The following GOLGA3 variants were observed in gnomAD, a reference collection of about 807,000 sequenced individuals.
The protein encoded by GOLGA3 is golgin A3, also known as golgin subfamily A member 3.
Under a neutral mutation model 169.4 loss-of-function variants are expected in GOLGA3, and 75 were observed. The ratio of observed to expected loss-of-function variants is 0.44; its 90% CI spans 0.37 to 0.54. The LOEUF is 0.54. Ranked by LOEUF, GOLGA3 falls within the 20% of genes least tolerant of loss-of-function variation. The pLI is 0.00. For missense variants in GOLGA3, 1,899 were observed against 1,930.0 expected (o/e 0.98, Z 0.30); for synonymous variants, 824 against 822.4 (o/e 1.00, Z -0.03).
rs544931060 is a variant in GOLGA3 at position 132,802,471 on chromosome 12, A to T, written c.1598-502T>A. ...GCGAGATCCCCCACCACCAAAAAAAAAAAATTAGCCAGGCGGGGTGGCATG... is the reference window on the plus strand; with the variant it reads ...GCGAGATCCCCCACCACCAAAAAAATAAAATTAGCCAGGCGGGGTGGCATG... On this transcript the variant is annotated intron_variant, in intron 7 of 23. Coordinates refer to ENST00000450791, the MANE Select transcript of GOLGA3 (RefSeq NM_001389683.1). Among the ~76,000 whole-genome samples, 663 of 152,236 alleles carry T rather than the reference A, an allele frequency of 4.4e-3. 5 individuals are homozygous for T. The highest frequency in any genetic ancestry group is 0.015 in the African/African-American group (608 of 41,522).
rs1264445625 is a variant in GOLGA3 at position 132,786,380 on chromosome 12, G to A, written c.3082C>T (p.Arg1028Ter). The change falls in exon 15 of 24, where the codon CGA (arginine) becomes TGA (stop). Residue 1028 changes from arginine to a stop codon, truncating the protein, a stop_gained. Transcript: ENST00000450791. LOFTEE classifies it high-confidence loss of function. ...EAADAELGQL[R>*]AQGGSSDSSL... ...CTGTCACTGCTGCCACCCTGGGCTC[G>A]GAGCTGGCCCAGCTCCGCGTCCGCA... 6.2e-7 allele frequency: 1 copy of A among 1,609,734 alleles called. No homozygotes were observed. Among genetic ancestry groups the A allele is most frequent in the Admixed American group, 1.7e-5 (1 of 59,642 alleles).
chr12:132,799,644 G>A (rs979851559), intron 8 of GOLGA3, among the ~76,000 whole-genome samples: 4 of 151,968 alleles, frequency 2.6e-5, no homozygotes, highest in South Asian at 2.1e-4. Flanking sequence ...CCCTGTCTCC[G>A]AAAAAACAGC....
intron 2 of GOLGA3, 103 bp from the exon 3 acceptor site, chr12:132,816,915 G>C: frequency 6.7e-6 from 7 of 1,045,284 alleles, no homozygotes; most frequent in Non-Finnish European, 9.5e-6. Flanking sequence ...CCAGACTCAT[G>C]AGCACGGCAC....
At chr12:132,773,963 T>G (rs1394825526) in intron 23 of GOLGA3, among the ~76,000 whole-genome samples, 194 bp downstream of exon 23, 2 of 148,186 alleles carry the variant, frequency 1.3e-5, no homozygotes, top group Non-Finnish European at 3.0e-5. Context: ...CCCCTTTATA[T>G]AAACCTCAAA....
chr12:132,815,289 G>C (rs1949905881), intron 3 of GOLGA3, among the ~76,000 whole-genome samples: 1 of 152,186 alleles, frequency 6.6e-6, no homozygotes, highest in Non-Finnish European at 1.5e-5. Flanking sequence ...CACTGACGCA[G>C]GAGATAGGCT....
At chr12:132,809,788 A>G (rs888369848) in intron 4 of GOLGA3, among the ~76,000 whole-genome samples, 4 of 152,196 alleles carry the variant, frequency 2.6e-5, no homozygotes, top group East Asian at 3.8e-4. Flanking sequence ...TCTAAGATCT[A>G]TATCTGGTGT....
chr12:132,791,622 G>A (rs1593281980), intron 11 of GOLGA3, among the ~76,000 whole-genome samples: 1 of 147,956 alleles, frequency 6.8e-6, no homozygotes, highest in East Asian at 2.0e-4. Flanking sequence ...GAGGACTATA[G>A]GAGGGGAATG....
intron 3 of GOLGA3, 130 bp downstream of exon 3, chr12:132,816,410 G>A: frequency 2.3e-6 from 2 of 857,340 alleles, no homozygotes; most frequent in East Asian, 2.5e-5. Context: ...AGCCCCACGT[G>A]GGACTCAGAT....
rs1178988870 is a variant in GOLGA3 at position 132,777,020 on chromosome 12, G to A, written c.3793C>T (p.Leu1265Phe). ...TCCAGCTGCTTCTGCAGGAGCTGGA[G>A]CTGTGCCCGGGCCTCGGCCAGCTCT... Reference protein sequence around the residue: ...QAELAEARAQLQLLQKQLDEQ... With the variant: ...QAELAEARAQFQLLQKQLDEQ... The change falls in exon 20 of 24, where the codon CTC becomes TTC. Residue 1265 changes from leucine to phenylalanine, a missense_variant. Transcript: ENST00000450791. The surrounding 1 kb of genome is among the most constrained non-coding windows in gnomAD (Gnocchi z 4.7). The A allele has an allele frequency of 6.2e-7, 1 of 1,611,910 alleles. No individual in the cohort carries two copies. The highest frequency in any genetic ancestry group is 8.5e-7 in the Non-Finnish European group (1 of 1,179,066).
At position 132,816,663 on chromosome 12, in the gene GOLGA3, G is replaced by T; in HGVS notation, c.283C>A (p.Pro95Thr). ...TTGTCATGGAAACCAGCCACACCTG[G>T]AGAGGCATCAGGGCCCACTGGGCTT... is the stretch of plus-strand genomic sequence containing the variant. ...TTSPVGPDAS[P>T]GVAGFHDNLR... Residue 95 changes from proline (P) to threonine (T), a missense_variant, in exon 3 of 24, where the codon CCA (proline) becomes ACA (threonine). By Grantham distance (38) the Pro-to-Thr change is conservative. Coordinates refer to ENST00000450791, the MANE Select transcript of GOLGA3 (RefSeq NM_001389683.1). 1 of 1,614,194 alleles carries T rather than the reference G, an allele frequency of 6.2e-7. No homozygotes were observed. Among genetic ancestry groups the T allele is most frequent in the Non-Finnish European group, 8.5e-7 (1 of 1,180,024 alleles).
intron 2 of GOLGA3, among the ~76,000 whole-genome samples, chr12:132,817,044 G>T (rs1949988128): frequency 6.6e-6 from 1 of 152,070 alleles, no homozygotes; most frequent in Non-Finnish European, 1.5e-5. Flanking sequence ...CCTGTAAGGT[G>T]AACCTGCCCT....
Position 132,774,148 on chromosome 12 carries a change from C to A in GOLGA3, c.4307+9G>T. The A allele has an allele frequency of 1.3e-6, 2 of 1,579,804 alleles. No individual in the cohort carries two copies. Among genetic ancestry groups the A allele is most frequent in the South Asian group, 1.1e-5 (1 of 87,012 alleles). ...ACTAGCTGAAGTGCAGCACGGAATA[C>A]GGTCGTACTTGAGCTGCTGGAGGCA... On this transcript the variant is annotated intron_variant, in intron 23 of 23. Coordinates refer to ENST00000450791, the MANE Select transcript of GOLGA3 (RefSeq NM_001389683.1).
chr12:132,775,089 G>A (rs747507572), intron 22 of GOLGA3, 52 bp downstream of exon 22: 26 of 1,531,752 alleles, frequency 1.7e-5, no homozygotes, highest in Middle Eastern at 2.1e-4. Flanking sequence ...TCCTGTCCGA[G>A]AGCATCTACA....
intron 1 of GOLGA3, chr12:132,827,564 T>C (rs1057416583): frequency 2.6e-5 from 4 of 152,234 alleles, no homozygotes; most frequent in Non-Finnish European, 5.9e-5. Context: ...CCTTTAGTTG[T>C]TGCTTGTCAA....
At position 132,825,958 on chromosome 12, in the gene GOLGA3, T is replaced by C. The variant is rs749307298; in HGVS notation, c.-184+2845A>G. The C allele has an allele frequency of 7.1e-5, 68 of 963,722 alleles. 1 individual carries two copies. Among genetic ancestry groups the C allele is most frequent in the African/African-American group, 1.1e-4 (7 of 62,242 alleles). The allele number at this position is 963,722 out of a possible 1,614,324, so 59.7% of individuals were successfully genotyped here. On this transcript the variant is annotated intron_variant, in intron 1 of 23. Coordinates refer to ENST00000450791, the MANE Select transcript of GOLGA3 (RefSeq NM_001389683.1). ...CCAAGATGAAGACGCAGAGGACCAC[T>C]GTCATCCGCCGAGACTACCTGCACT... is the stretch of plus-strand genomic sequence containing the variant.
intron 6 of GOLGA3, 64 bp downstream of exon 6, chr12:132,807,113 C>A (rs981315201): frequency 1.7e-5 from 16 of 952,502 alleles, no homozygotes; most frequent in Non-Finnish European, 2.3e-5. Flanking sequence ...TCGTACCCAA[C>A]AGAGGAGCCA....
intron 12 of GOLGA3, 38 bp downstream of exon 12, chr12:132,791,178 G>T: frequency 8.6e-7 from 1 of 1,163,840 alleles, no homozygotes; most frequent in Non-Finnish European, 1.3e-6. Context: ...CTGTTCATAT[G>T]CTTGTTTCAA....
chr12:132,784,981 A>T (rs948394305), intron 15 of GOLGA3, among the ~76,000 whole-genome samples: 2 of 152,248 alleles, frequency 1.3e-5, no homozygotes, highest in African/African-American at 4.8e-5. Flanking sequence ...CGATGGTACC[A>T]GGCCCTTGCC....
chr12:132,775,082 T>C lies in GOLGA3; in HGVS notation c.4143+59A>G, dbSNP rs758699712. The C allele has an allele frequency of 3.4e-6, 5 of 1,476,902 alleles. No homozygotes were observed. In the South Asian group the frequency reaches 3.6e-5, roughly 11 times the overall value. The allele number at this position is 1,476,902 out of a possible 1,614,324, so 91.5% of individuals were successfully genotyped here. A position where few individuals can be genotyped will look rare whatever the true frequency, so the allele number is the denominator to read the frequency against. On this transcript the variant is annotated intron_variant, in intron 22 of 23. Transcript: ENST00000450791. The stretch of plus-strand genomic sequence containing the variant: ...ATGACTAACACGTCTGCCAGCCTCC[T>C]GTCCGAGAGCATCTACAGCGCACGT...
Sources: allele counts gnomAD v4.1 joint callset (sites outside exome capture counted in the v4.1 genomes callset), GRCh38; gene constraint gnomAD v4.1.1; non-coding constraint Gnocchi (gnomAD v3.1); transcripts MANE v1.5; gene names NCBI Gene and HGNC (gene_info 2026-07-23, HGNC 2026-07-21).